Variants in CNTN4 observed in about 807,000 individuals in gnomAD.
CNTN4 encodes contactin 4, also known as contactin-4.
In CNTN4, 77 loss-of-function variants were observed where a neutral mutation model predicts 122.5. That is an observed-to-expected ratio of 0.63 (90% CI 0.52 to 0.76). The LOEUF (loss-of-function observed/expected upper bound fraction) is 0.76, where lower values mean the gene tolerates loss of function less well. Among genes scored for constraint, CNTN4 ranks in the 30% least tolerant of loss-of-function variants. CNTN4 has a pLI of 0.00. For synonymous variants in CNTN4, 512 were observed against 447.0 expected, an observed-to-expected ratio of 1.15 and a Z score of -1.83; for missense variants, 1,256 against 1,259.1, an observed-to-expected ratio of 1.00 and a Z score of 0.04.
intron 13 of CNTN4, among the ~76,000 whole-genome samples, chr3:2,930,519 C>G (rs1010029024): frequency 9.2e-5 from 14 of 152,316 alleles, no homozygotes; most frequent in African/African-American, 3.1e-4. Flanking sequence ...AACTGTCACT[C>G]TCATTAATGT....
rs73807023 is a variant in CNTN4 at position 2,200,471 on chromosome 3, G to T, written c.-145+99832G>T. On this transcript the variant is annotated intron_variant, in intron 2 of 24. Transcript: ENST00000418658. ...ATTTTTAGTTGTTTATGTGTGTTGA[G>T]GGGGAGGGGTTCTATTACTAACATT... is the stretch of plus-strand genomic sequence containing the variant. Among the ~76,000 whole-genome samples the T allele has an allele frequency of 8.1e-3, 1,239 of 152,170 alleles. 15 individuals are homozygous for T. Among genetic ancestry groups the T allele is most frequent in the African/African-American group, 0.028 (1,173 of 41,514 alleles).
intron 3 of CNTN4, among the ~76,000 whole-genome samples, chr3:2,360,545 G>A (rs1036760700): frequency 5.3e-5 from 8 of 152,038 alleles, no homozygotes; most frequent in African/African-American, 1.7e-4. Context: ...AGAACTTCCC[G>A]AGACTGGGTA....
At chr3:2,956,903 G>A (rs940248823) in intron 13 of CNTN4, among the ~76,000 whole-genome samples, 1 of 152,070 alleles carries the variant, frequency 6.6e-6, no homozygotes, top group African/African-American at 2.4e-5. Context: ...TTGTCTTTCT[G>A]TGCCTGGTTT....
At chr3:2,274,288 C>A (rs2041414537) in intron 2 of CNTN4, among the ~76,000 whole-genome samples, 1 of 152,116 alleles carries the variant, frequency 6.6e-6, no homozygotes, top group Non-Finnish European at 1.5e-5. Flanking sequence ...GAGACTGAGG[C>A]AGGAGAATCA....
chr3:2,525,322 G>C (rs192372649), intron 3 of CNTN4, among the ~76,000 whole-genome samples: 2 of 152,182 alleles, frequency 1.3e-5, no homozygotes, highest in East Asian at 1.9e-4. Context: ...AAAAAATAAA[G>C]ATATTAATAT....
intron 2 of CNTN4, among the ~76,000 whole-genome samples, chr3:2,215,744 G>C (rs1186204): frequency 4.6e-5 from 7 of 151,874 alleles, no homozygotes; most frequent in Admixed American, 2.0e-4. Flanking sequence ...TAGCCCAGGC[G>C]TGGTGGCATG....
At chr3:2,698,792 C>T (rs978627437) in intron 4 of CNTN4, among the ~76,000 whole-genome samples, 4 of 152,138 alleles carry the variant, frequency 2.6e-5, no homozygotes, top group African/African-American at 2.4e-5. Context: ...CCAAGGCGGG[C>T]GGATCACCTG....
At chr3:2,155,000 C>G (rs2035657166) in intron 2 of CNTN4, among the ~76,000 whole-genome samples, 1 of 152,210 alleles carries the variant, frequency 6.6e-6, no homozygotes, top group Non-Finnish European at 1.5e-5. Context: ...CCTCTCCCAT[C>G]ATCCATCTCC....
intron 23 of CNTN4, 44 bp downstream of exon 23, chr3:3,043,748 G>A: frequency 1.6e-6 from 2 of 1,216,620 alleles, no homozygotes; most frequent in Non-Finnish European, 2.4e-6. Flanking sequence ...CGTGCTGTGA[G>A]TGGGGGCAGT....
chr3:3,020,315 C>G (rs750875614), intron 14 of CNTN4, among the ~76,000 whole-genome samples: 1 of 152,122 alleles, frequency 6.6e-6, no homozygotes, highest in African/African-American at 2.4e-5. Context: ...CCGTGACTCC[C>G]AGAAAGCTGA....
At chr3:2,362,373 G>A (rs2045190979) in intron 3 of CNTN4, 1 of 330,906 alleles carries the variant, frequency 3.0e-6, no homozygotes, top group Admixed American at 4.1e-5. Flanking sequence ...GGAATGAAAT[G>A]ACCAAGGCCC....
At chr3:2,227,282 TA>T (rs1279367753) in intron 2 of CNTN4, among the ~76,000 whole-genome samples, 1 of 152,164 alleles carries the variant, frequency 6.6e-6, no homozygotes, top group African/African-American at 2.4e-5. Flanking sequence ...TGGTAGATGA[TA>T]AAATATGGAT....
At chr3:2,797,773 G>A (rs1009015815) in intron 6 of CNTN4, among the ~76,000 whole-genome samples, 4 of 152,132 alleles carry the variant, frequency 2.6e-5, no homozygotes, top group African/African-American at 7.2e-5. Context: ...AGGCATTCCT[G>A]TTTAGTAAGA....
chr3:2,661,555 G>C (rs1282088054), intron 4 of CNTN4, among the ~76,000 whole-genome samples: 1 of 151,670 alleles, frequency 6.6e-6, no homozygotes, highest in Non-Finnish European at 1.5e-5. Context: ...GCTCGTGCCT[G>C]TAATCCCAGC....
At chr3:2,590,931 T>C (rs2080440841) in intron 4 of CNTN4, among the ~76,000 whole-genome samples, 1 of 152,160 alleles carries the variant, frequency 6.6e-6, no homozygotes, top group Non-Finnish European at 1.5e-5. Flanking sequence ...AATTAAGGTA[T>C]ACACTTTGAT....
At chr3:2,234,461 T>C (rs2039609552) in intron 2 of CNTN4, among the ~76,000 whole-genome samples, 1 of 151,318 alleles carries the variant, frequency 6.6e-6, no homozygotes. Context: ...TCTCTGCTCA[T>C]CTCATTTATA....
At chr3:2,207,613 A>G (rs558761868) in intron 2 of CNTN4, among the ~76,000 whole-genome samples, 1 of 152,242 alleles carries the variant, frequency 6.6e-6, no homozygotes, top group African/African-American at 2.4e-5. Flanking sequence ...AGGTAAGGAA[A>G]CTGCAAAAAG....
At chr3:2,365,422 C>CT (rs1406632251) in intron 3 of CNTN4, among the ~76,000 whole-genome samples, 2 of 152,180 alleles carry the variant, frequency 1.3e-5, no homozygotes, top group Non-Finnish European at 2.9e-5. Context: ...TTTCCCATTA[C>CT]TTTCCAGGCC....
chr3:2,558,624 T>C (rs2078820150), intron 3 of CNTN4, among the ~76,000 whole-genome samples: 2 of 152,182 alleles, frequency 1.3e-5, no homozygotes, highest in Admixed American at 6.5e-5. Flanking sequence ...ATATGGAGTC[T>C]ACTGAGTTTT....
Sources: gnomAD v4.1 joint callset for allele counts (sites outside exome capture counted in the v4.1 genomes callset) on GRCh38, gnomAD v4.1.1 for gene constraint, MANE v1.5 for transcripts, NCBI Gene and HGNC (gene_info 2026-07-23, HGNC 2026-07-21) for gene names.